RAB38: variants seen among roughly 807,000 people sequenced by gnomAD.
RAB38 encodes ras-related protein Rab-38.
Under a neutral mutation model 18.4 loss-of-function variants are expected in RAB38, and 15 were observed. That is an observed-to-expected ratio of 0.82 (90% CI 0.55 to 1.26). RAB38 has a LOEUF of 1.26. Among genes scored for constraint, RAB38 ranks in the 50% most tolerant of loss-of-function variants. The pLI is 0.00. For synonymous variants in RAB38, 101 were observed against 104.4 expected, an observed-to-expected ratio of 0.97 and a Z score of 0.20; for missense variants, 294 against 267.4, an observed-to-expected ratio of 1.10 and a Z score of -0.69.
chr11:87,832,891 C>A, the RAB38 span, among the ~76,000 whole-genome samples: 1 of 151,792 alleles, frequency 6.6e-6, no homozygotes. Flanking sequence ...GAACATCTCA[C>A]AGTGGGGGGT....
At chr11:88,150,976 C>T (rs1943056814) in intron 1 of RAB38, among the ~76,000 whole-genome samples, 1 of 152,164 alleles carries the variant, frequency 6.6e-6, no homozygotes, top group Non-Finnish European at 1.5e-5. Context: ...CTTAAATACT[C>T]TACAACCTAT....
the RAB38 span, among the ~76,000 whole-genome samples, chr11:88,036,784 C>T: frequency 0.072 from 10,975 of 151,804 alleles, 650 homozygotes; most frequent in African/African-American, 0.14. Context: ...TTTCCTAATA[C>T]TAATATAAGG....
intron 1 of RAB38, among the ~76,000 whole-genome samples, chr11:88,163,316 T>G (rs547103468): frequency 6.6e-6 from 1 of 152,284 alleles, no homozygotes; most frequent in East Asian, 1.9e-4. Flanking sequence ...TTAATACTTA[T>G]TTCTTATTTG....
chr11:87,973,479 A>G, the RAB38 span, among the ~76,000 whole-genome samples: 2 of 151,984 alleles, frequency 1.3e-5, no homozygotes, highest in South Asian at 2.1e-4. Flanking sequence ...GAGAGAGCAC[A>G]TGTGCCAATG....
At chr11:88,083,568 G>A in the RAB38 span, among the ~76,000 whole-genome samples, 3 of 151,830 alleles carry the variant, frequency 2.0e-5, no homozygotes, top group Non-Finnish European at 2.9e-5. Flanking sequence ...TGGTGCCATG[G>A]TTTGAATGTG....
the RAB38 span, among the ~76,000 whole-genome samples, chr11:87,844,798 C>T: frequency 9.8e-4 from 149 of 152,166 alleles, no homozygotes; most frequent in African/African-American, 3.5e-3. Context: ...AACATAAACC[C>T]CGAGCAAATA....
At chr11:87,822,064 T>G in the RAB38 span, among the ~76,000 whole-genome samples, 11 of 151,298 alleles carry the variant, frequency 7.3e-5, no homozygotes, top group African/African-American at 2.4e-4. Context: ...AACACAAAGT[T>G]GAAATAAAAC....
At chr11:88,049,185 C>G in the RAB38 span, among the ~76,000 whole-genome samples, 1 of 151,984 alleles carries the variant, frequency 6.6e-6, no homozygotes, top group Non-Finnish European at 1.5e-5. Flanking sequence ...CAACACTTCG[C>G]TATTTTATTT....
the RAB38 span, among the ~76,000 whole-genome samples, chr11:87,931,370 C>G: frequency 1.3e-5 from 2 of 151,958 alleles, no homozygotes; most frequent in African/African-American, 4.8e-5. Flanking sequence ...ATTGCAAGTA[C>G]GAGAAGAAAG....
At chr11:87,935,436 C>G in the RAB38 span, among the ~76,000 whole-genome samples, 7 of 152,230 alleles carry the variant, frequency 4.6e-5, no homozygotes, top group African/African-American at 1.7e-4. Flanking sequence ...CTTCAGAAGA[C>G]TTCTTTTTCA....
the RAB38 span, among the ~76,000 whole-genome samples, chr11:87,967,465 T>G: frequency 6.6e-6 from 1 of 152,150 alleles, no homozygotes; most frequent in African/African-American, 2.4e-5. Flanking sequence ...TTTTAAAATA[T>G]CTTCATGAAA....
chr11:87,809,970 G>T, the RAB38 span, among the ~76,000 whole-genome samples: 3 of 152,030 alleles, frequency 2.0e-5, no homozygotes, highest in African/African-American at 7.2e-5. Context: ...TGAAATTGCT[G>T]TCTGAATAAG....
chr11:87,977,765 TTATA>T, the RAB38 span, among the ~76,000 whole-genome samples: 1 of 108,018 alleles, frequency 9.3e-6, no homozygotes, highest in African/African-American at 3.6e-5. Context: ...ATATATTATA[TTATA>T]GTTATATATT....
At chr11:87,975,533 T>C in the RAB38 span, among the ~76,000 whole-genome samples, 130,413 of 151,672 alleles carry the variant, frequency 0.86, 56,254 homozygotes, top group African/African-American at 0.92. Context: ...ATACGGGTAA[T>C]TATGCAAGAC....
the RAB38 span, among the ~76,000 whole-genome samples, chr11:87,858,550 A>T: frequency 6.6e-6 from 1 of 152,126 alleles, no homozygotes; most frequent in Non-Finnish European, 1.5e-5. Context: ...GGGATAACTC[A>T]AATTATTTAC....
the RAB38 span, among the ~76,000 whole-genome samples, chr11:87,865,074 G>GT: frequency 6.6e-6 from 1 of 151,720 alleles, no homozygotes. Context: ...ATGTGTTCCT[G>GT]TAAGAGGGTC....
the RAB38 span, among the ~76,000 whole-genome samples, chr11:88,005,928 CCA>C: frequency 1.3e-5 from 2 of 151,586 alleles, no homozygotes; most frequent in Admixed American, 1.3e-4. Context: ...GGGTTTAATT[CCA>C]GTTTTATATT....
chr11:88,052,935 T>TC, the RAB38 span, among the ~76,000 whole-genome samples: 3,865 of 85,780 alleles, frequency 0.045, 433 homozygotes, highest in South Asian at 0.1. Flanking sequence ...TATATATATA[T>TC]ATATATATAA....
chr11:87,876,710 T>C, the RAB38 span, among the ~76,000 whole-genome samples: 1 of 151,482 alleles, frequency 6.6e-6, no homozygotes, highest in Admixed American at 6.6e-5. Context: ...TAGAAGTCAC[T>C]CTGGATTATG....
Sources: gnomAD v4.1 joint callset for allele counts (sites outside exome capture counted in the v4.1 genomes callset) on GRCh38, gnomAD v4.1.1 for gene constraint, MANE v1.5 for transcripts, NCBI Gene and HGNC (gene_info 2026-07-23, HGNC 2026-07-21) for gene names.